TBL1XR1: variants seen among roughly 807,000 people sequenced by gnomAD.
TBL1XR1 encodes the protein F-box-like/WD repeat-containing protein TBL1XR1.
In TBL1XR1, 5 loss-of-function variants were observed where a neutral mutation model predicts 66.9. The ratio of observed to expected loss-of-function variants is 0.07; its 90% CI spans 0.04 to 0.16. The LOEUF (loss-of-function observed/expected upper bound fraction) is 0.16. Among genes scored for constraint, TBL1XR1 ranks in the 10% least tolerant of loss-of-function variants. The probability of loss-of-function intolerance (pLI) is 1.00; values close to 1 mark genes in which losing one functional copy is unlikely to be tolerated. For synonymous variants in TBL1XR1, 210 were observed against 206.0 expected, an observed-to-expected ratio of 1.02 and a Z score of -0.17; for missense variants, 238 against 623.2, an observed-to-expected ratio of 0.38 and a Z score of 6.58.
chr3:177,150,362 C>G (rs552301123), intron 1 of TBL1XR1, among the ~76,000 whole-genome samples: 1 of 152,114 alleles, frequency 6.6e-6, no homozygotes, highest in East Asian at 1.9e-4. Context: ...CCTTAAAACT[C>G]GGCAAAATAA....
intron 12 of TBL1XR1, among the ~76,000 whole-genome samples, chr3:177,036,378 TCCCTCTTCTCAGAAAACGGC>T (rs1235579817): frequency 2.6e-5 from 4 of 152,208 alleles, no homozygotes; most frequent in African/African-American, 9.6e-5. Flanking sequence ...CATCTGGCAT[TCCCTCTTCTCAGAAAACGGC>T]CCATTACACA....
chr3:177,153,905 A>G (rs1311223189), intron 1 of TBL1XR1, among the ~76,000 whole-genome samples: 1 of 151,350 alleles, frequency 6.6e-6, no homozygotes, highest in Non-Finnish European at 1.5e-5. Context: ...AAAGTATGGA[A>G]CAAGTGAACT....
At chr3:177,170,410 T>A (rs1733317549) in intron 1 of TBL1XR1, among the ~76,000 whole-genome samples, 2 of 152,180 alleles carry the variant, frequency 1.3e-5, no homozygotes, top group South Asian at 2.1e-4. Flanking sequence ...CAACTCCATA[T>A]CTAGCAAATC....
chr3:177,186,395 G>C (rs949054851), intron 1 of TBL1XR1, among the ~76,000 whole-genome samples: 4 of 151,970 alleles, frequency 2.6e-5, no homozygotes, highest in Admixed American at 6.6e-5. Context: ...CCCATAAAAA[G>C]GTAATTGCAG....
rs11369670 is a variant in TBL1XR1 at position 177,187,166 on chromosome 3, C to CAA, written c.-122+9953_-122+9954dup. On this transcript the variant is annotated intron_variant, in intron 1 of 15. Transcript: ENST00000457928. ...TGGGCAACAGAGCAAGACTCTGTCT[C>CAA]AAAAAAAAAAAAAAGTCAGGAGTTC... 3.7e-3 allele frequency among the ~76,000 whole-genome samples: 494 copies of CAA among 134,808 alleles called. 7 individuals carry two copies. The East Asian group carries it at 0.052, about 14-fold the overall frequency. 88.4% of individuals were successfully genotyped at this position (134,808 alleles called of 152,430 possible).
intron 1 of TBL1XR1, among the ~76,000 whole-genome samples, chr3:177,117,062 G>A (rs927150881): frequency 1.3e-5 from 2 of 152,176 alleles, no homozygotes; most frequent in Non-Finnish European, 1.5e-5. Flanking sequence ...ATGGGGTAAC[G>A]ATTCTAGAAT....
At chr3:177,176,234 G>A (rs968856257) in intron 1 of TBL1XR1, among the ~76,000 whole-genome samples, 5 of 151,536 alleles carry the variant, frequency 3.3e-5, no homozygotes, top group Non-Finnish European at 5.9e-5. Context: ...TGGCTCTGTC[G>A]CCCAGGCTGG....
At chr3:177,100,287 T>C (rs1034862529) in intron 1 of TBL1XR1, among the ~76,000 whole-genome samples, 1 of 152,238 alleles carries the variant, frequency 6.6e-6, no homozygotes, top group Admixed American at 6.5e-5. Context: ...ATAAATTATT[T>C]ATTTACAGTG....
chr3:177,158,688 C>T (rs1447023183), intron 1 of TBL1XR1, among the ~76,000 whole-genome samples: 5 of 152,112 alleles, frequency 3.3e-5, no homozygotes, highest in Non-Finnish European at 7.4e-5. Flanking sequence ...AGCTAAGAAG[C>T]TGACAGACCT....
At chr3:177,169,824 T>C (rs1466716249) in intron 1 of TBL1XR1, among the ~76,000 whole-genome samples, 3 of 152,212 alleles carry the variant, frequency 2.0e-5, no homozygotes, top group Non-Finnish European at 4.4e-5. Flanking sequence ...AGTTCCACAA[T>C]GACCACTTAC....
chr3:177,066,787 G>C (rs1207773802), intron 2 of TBL1XR1, among the ~76,000 whole-genome samples: 1 of 152,108 alleles, frequency 6.6e-6, no homozygotes, highest in African/African-American at 2.4e-5. Flanking sequence ...TTGAGGAAAA[G>C]GAAAGAATCA....
chr3:177,159,139 G>A (rs1207561760), intron 1 of TBL1XR1, among the ~76,000 whole-genome samples: 1 of 151,620 alleles, frequency 6.6e-6, no homozygotes, highest in East Asian at 1.9e-4. Flanking sequence ...GAACTCAGCT[G>A]GATTTTCTCA....
intron 1 of TBL1XR1, among the ~76,000 whole-genome samples, chr3:177,167,330 G>A (rs1732940419): frequency 1.3e-5 from 2 of 152,204 alleles, no homozygotes; most frequent in South Asian, 4.1e-4. Flanking sequence ...GCCAGGAAGT[G>A]GGGGAAGGGA....
chr3:177,171,008 A>G (rs1386347520), intron 1 of TBL1XR1, among the ~76,000 whole-genome samples: 1 of 152,154 alleles, frequency 6.6e-6, no homozygotes, highest in African/African-American at 2.4e-5. Flanking sequence ...AAAAGCCTTA[A>G]GAAAAAACTA....
chr3:177,063,267 G>T (rs1414222265), intron 3 of TBL1XR1, among the ~76,000 whole-genome samples: 1 of 152,104 alleles, frequency 6.6e-6, no homozygotes, highest in Admixed American at 6.6e-5. Context: ...TTTAGAAAAA[G>T]AAAAATATTA....
intron 1 of TBL1XR1, among the ~76,000 whole-genome samples, chr3:177,155,316 T>C (rs546713774): frequency 1.7e-4 from 26 of 152,292 alleles, no homozygotes; most frequent in African/African-American, 5.8e-4. Context: ...ACTAAACTGA[T>C]CAAGATTTGT....
chr3:177,200,003 G>A (rs746573010), upstream of TBL1XR1, among the ~76,000 whole-genome samples: 7 of 151,598 alleles, frequency 4.6e-5, no homozygotes, highest in East Asian at 7.7e-4. Context: ...GTGGAGTTTC[G>A]CTCTTGTCGC....
intron 1 of TBL1XR1, among the ~76,000 whole-genome samples, chr3:177,112,201 G>A (rs1453166768): frequency 6.9e-6 from 1 of 145,030 alleles, no homozygotes; most frequent in Non-Finnish European, 1.5e-5. Flanking sequence ...TGCGTCTCCC[G>A]GGTTCAAGCA....
At chr3:177,173,958 T>C (rs1296396686) in intron 1 of TBL1XR1, among the ~76,000 whole-genome samples, 1 of 152,212 alleles carries the variant, frequency 6.6e-6, no homozygotes, top group Non-Finnish European at 1.5e-5. Context: ...TTTATATTAA[T>C]GTAAAATCTT....
Sources: gnomAD v4.1 joint callset for allele counts (sites outside exome capture counted in the v4.1 genomes callset) on GRCh38, gnomAD v4.1.1 for gene constraint, MANE v1.5 for transcripts, NCBI Gene and HGNC (gene_info 2026-07-23, HGNC 2026-07-21) for gene names.